HEMK2: variants seen among roughly 807,000 people sequenced by gnomAD.
HEMK2 encodes methyltransferase HEMK2.
chr21:28,661,988 T>A, the HEMK2 span, among the ~76,000 whole-genome samples: 1 of 152,138 alleles, frequency 6.6e-6, no homozygotes, highest in African/African-American at 2.4e-5. Flanking sequence ...GTACCATAAA[T>A]AATTGTTAAC....
At chr21:28,704,902 G>A in the HEMK2 span, among the ~76,000 whole-genome samples, 1 of 152,174 alleles carries the variant, frequency 6.6e-6, no homozygotes, top group African/African-American at 2.4e-5. Flanking sequence ...AGCAAGCACT[G>A]ATGTTTTCCT....
At chr21:28,751,501 G>T in the HEMK2 span, among the ~76,000 whole-genome samples, 2 of 152,148 alleles carry the variant, frequency 1.3e-5, no homozygotes, top group Non-Finnish European at 2.9e-5. Context: ...CTCCACTGTG[G>T]GTTATTCCAG....
the HEMK2 span, among the ~76,000 whole-genome samples, chr21:28,692,344 G>T: frequency 6.6e-6 from 1 of 151,984 alleles, no homozygotes; most frequent in East Asian, 1.9e-4. Context: ...CTCAAGAAAT[G>T]CAATTAATAG....
the HEMK2 span, among the ~76,000 whole-genome samples, chr21:28,676,886 T>C: frequency 2.0e-5 from 3 of 152,156 alleles, no homozygotes; most frequent in Non-Finnish European, 4.4e-5. Context: ...AATATAATTC[T>C]GGAAAAAATG....
At chr21:28,613,058 A>G in the HEMK2 span, among the ~76,000 whole-genome samples, 1 of 152,086 alleles carries the variant, frequency 6.6e-6, no homozygotes, top group Non-Finnish European at 1.5e-5. Flanking sequence ...TCAATTAACA[A>G]GTGGATGAAG....
the HEMK2 span, among the ~76,000 whole-genome samples, chr21:28,587,113 A>G: frequency 3.3e-5 from 5 of 152,134 alleles, no homozygotes; most frequent in Non-Finnish European, 5.9e-5. Context: ...AAAAATTGCA[A>G]GCTATCCTAT....
the HEMK2 span, among the ~76,000 whole-genome samples, chr21:28,745,522 C>G: frequency 3.9e-5 from 6 of 152,184 alleles, no homozygotes; most frequent in Non-Finnish European, 7.3e-5. Flanking sequence ...CTCCACAGAT[C>G]AAGAAGTCCT....
chr21:28,685,682 T>C, the HEMK2 span, among the ~76,000 whole-genome samples: 1 of 152,180 alleles, frequency 6.6e-6, no homozygotes, highest in African/African-American at 2.4e-5. Flanking sequence ...ATCAGTAATG[T>C]ACTATTGCAA....
chr21:28,875,777 T>A, the HEMK2 span: 2 of 152,224 alleles, frequency 1.3e-5, no homozygotes, highest in Non-Finnish European at 2.9e-5. Flanking sequence ...ACATGCCCCA[T>A]GTCACTGGAT....
chr21:28,826,789 T>C, the HEMK2 span, among the ~76,000 whole-genome samples: 1 of 152,216 alleles, frequency 6.6e-6, no homozygotes, highest in Non-Finnish European at 1.5e-5. Context: ...ACTTAAAATA[T>C]TCACTATGAT....
chr21:28,770,355 T>C, the HEMK2 span, among the ~76,000 whole-genome samples: 4 of 152,232 alleles, frequency 2.6e-5, no homozygotes, highest in South Asian at 2.1e-4. Flanking sequence ...TTCTTCCCTC[T>C]GGGCTCTTCT....
the HEMK2 span, among the ~76,000 whole-genome samples, chr21:28,646,197 G>C: frequency 1.3e-5 from 2 of 152,204 alleles, no homozygotes; most frequent in African/African-American, 4.8e-5. Flanking sequence ...GCATATGGAT[G>C]ACTATGAAGA....
At chr21:28,664,412 A>G in the HEMK2 span, among the ~76,000 whole-genome samples, 41 of 152,174 alleles carry the variant, frequency 2.7e-4, no homozygotes, top group African/African-American at 5.8e-4. Context: ...ACATAGGCCC[A>G]CACTTTGAAG....
the HEMK2 span, among the ~76,000 whole-genome samples, chr21:28,581,903 G>A: frequency 2.6e-5 from 4 of 152,192 alleles, no homozygotes; most frequent in Non-Finnish European, 4.4e-5. Flanking sequence ...TAAAAGGGGG[G>A]AAAATGTTTA....
chr21:28,846,540 C>T, the HEMK2 span, among the ~76,000 whole-genome samples: 1 of 152,062 alleles, frequency 6.6e-6, no homozygotes, highest in East Asian at 1.9e-4. Flanking sequence ...TTCGCATCTC[C>T]CTAATGATTA....
chr21:28,864,022 G>A, the HEMK2 span, among the ~76,000 whole-genome samples: 3 of 152,124 alleles, frequency 2.0e-5, no homozygotes, highest in East Asian at 5.8e-4. Flanking sequence ...GTAGAGGCAG[G>A]GTTTCACCAT....
chr21:28,621,990 G>A, the HEMK2 span, among the ~76,000 whole-genome samples: 4 of 152,082 alleles, frequency 2.6e-5, no homozygotes, highest in African/African-American at 4.8e-5. Context: ...CAGAAACTAG[G>A]ATTGCAAGCC....
the HEMK2 span, among the ~76,000 whole-genome samples, chr21:28,684,681 C>T: frequency 6.6e-6 from 1 of 152,126 alleles, no homozygotes; most frequent in African/African-American, 2.4e-5. Flanking sequence ...TGATCCAAAC[C>T]TGACATCAAC....
At chr21:28,863,422 ATATATAT>A in the HEMK2 span, among the ~76,000 whole-genome samples, 1 of 13,090 alleles carries the variant, frequency 7.6e-5, no homozygotes, top group Admixed American at 5.0e-4. Context: ...ATATATATAT[ATATATAT>A]ATATATATAT....
Sources: gnomAD v4.1 joint callset for allele counts (sites outside exome capture counted in the v4.1 genomes callset) on GRCh38, gnomAD v4.1.1 for gene constraint, MANE v1.5 for transcripts, NCBI Gene and HGNC (gene_info 2026-07-23, HGNC 2026-07-21) for gene names.